RNF217: variants seen among roughly 807,000 people sequenced by gnomAD.
RNF217 encodes E3 ubiquitin-protein ligase RNF217.
RNF217 carries 31 observed loss-of-function variants against 57.8 expected under a neutral mutation model. The ratio of observed to expected loss-of-function variants is 0.54; its 90% CI spans 0.40 to 0.72. The LOEUF is 0.72. Ranked by LOEUF, RNF217 falls within the 30% of genes least tolerant of loss-of-function variation. RNF217 has a pLI of 0.00. For synonymous variants in RNF217, 313 were observed against 294.0 expected (o/e 1.06, Z -0.66); for missense variants, 696 against 708.3 (o/e 0.98, Z 0.20).
intron 1 of RNF217, among the ~76,000 whole-genome samples, chr6:125,034,207 C>G (rs1041838867): frequency 3.3e-5 from 5 of 152,028 alleles, no homozygotes; most frequent in African/African-American, 1.2e-4. Context: ...TAATTGGAGC[C>G]CATTTGTCAA....
chr6:125,009,363 C>T, intron 1 of RNF217: 1 of 900,926 alleles, frequency 1.1e-6, no homozygotes, highest in East Asian at 2.4e-5. Flanking sequence ...TCCTGTGAAG[C>T]CCTCTCACAG....
intron 1 of RNF217, among the ~76,000 whole-genome samples, chr6:125,014,603 C>A (rs1470252015): frequency 1.3e-5 from 2 of 152,092 alleles, no homozygotes; most frequent in African/African-American, 4.8e-5. Context: ...ATAACTGAAT[C>A]TTTTAGCCAA....
In RNF217 at chr6:125,050,022, C is replaced by T. The variant is rs537319460; in HGVS notation, c.1116+4578C>T. 4.0e-5 allele frequency among the ~76,000 whole-genome samples: 6 copies of T among 151,366 alleles called. 1 individual carries two copies. The highest frequency in any genetic ancestry group is 1.5e-4 in the African/African-American group (6 of 41,282). ...GTGAAGGGGATTGTCATTGAACTTA[C>T]GAAAATGAAAAAAATATTCTTTGGG... On this transcript the variant is annotated intron_variant, in intron 2 of 5. Transcript: ENST00000521654.
intron 1 of RNF217, among the ~76,000 whole-genome samples, chr6:125,042,305 A>G (rs559793410): frequency 4.7e-4 from 72 of 152,202 alleles, no homozygotes; most frequent in Non-Finnish European, 1.0e-4. Context: ...GGGCCATGAA[A>G]CTGGAATGCT....
At chr6:125,024,708 A>C (rs1785999917) in intron 1 of RNF217, among the ~76,000 whole-genome samples, 2 of 147,356 alleles carry the variant, frequency 1.4e-5, no homozygotes, top group Admixed American at 1.4e-4. Context: ...TGACAGGGTA[A>C]GACTCTGTCT....
At chr6:125,061,594 C>T (rs181772984) in intron 3 of RNF217, among the ~76,000 whole-genome samples, 13 of 151,142 alleles carry the variant, frequency 8.6e-5, no homozygotes, top group African/African-American at 2.9e-4. Context: ...TCCCTGTTTT[C>T]TATTTCTTCC....
chr6:125,003,515 A>T, intron 1 of RNF217, among the ~76,000 whole-genome samples: 1 of 152,214 alleles, frequency 6.6e-6, no homozygotes, highest in East Asian at 1.9e-4. Flanking sequence ...AGATGATTGT[A>T]GGAATAAACT....
intron 3 of RNF217, among the ~76,000 whole-genome samples, chr6:125,073,830 A>G (rs2114634587): frequency 6.6e-6 from 1 of 152,282 alleles, no homozygotes. Flanking sequence ...TAGATGGGAA[A>G]CAACTTTATA....
chr6:124,981,889 G>A (rs6912698), intron 1 of RNF217, among the ~76,000 whole-genome samples: 36,277 of 151,172 alleles, frequency 0.24, 4,751 homozygotes, highest in East Asian at 0.4. Context: ...TTGGCCGGGC[G>A]TGGTTATGGG....
At chr6:125,001,712 C>T (rs1784993282) in intron 1 of RNF217, among the ~76,000 whole-genome samples, 1 of 152,152 alleles carries the variant, frequency 6.6e-6, no homozygotes, top group Non-Finnish European at 1.5e-5. Context: ...GGATTTCTCC[C>T]TTGTGTGATA....
intron 1 of RNF217, among the ~76,000 whole-genome samples, chr6:125,033,703 T>C (rs1582733250): frequency 6.6e-6 from 1 of 152,112 alleles, no homozygotes; most frequent in Non-Finnish European, 1.5e-5. Context: ...CCTTTGGGTA[T>C]ATACCCAGTA....
intron 1 of RNF217, among the ~76,000 whole-genome samples, chr6:125,030,326 C>T (rs1170354317): frequency 6.6e-6 from 1 of 152,130 alleles, no homozygotes; most frequent in Non-Finnish European, 1.5e-5. Context: ...ACAGTCATGC[C>T]TTCCCAACAG....
At position 124,973,985 on chromosome 6, in the gene RNF217, T is replaced by G. The variant is rs151102170; in HGVS notation, c.882+10559T>G. On this transcript the variant is annotated intron_variant, in intron 1 of 5. Transcript: ENST00000521654. ...GCCGGCCGTTGTCAGTGAGCTCAGC[T>G]ATGGCTGTCTACCGAGTGCCCCCAC... Among the ~76,000 whole-genome samples the G allele has an allele frequency of 2.8e-4, 43 of 152,338 alleles. No individual in the cohort carries two copies. In the East Asian group the frequency reaches 7.5e-3, roughly 27 times the overall value.
At chr6:124,980,736 T>A (rs1347556041) in intron 1 of RNF217, among the ~76,000 whole-genome samples, 3 of 152,318 alleles carry the variant, frequency 2.0e-5, no homozygotes, top group Middle Eastern at 3.4e-3. Flanking sequence ...AAAGATTTTT[T>A]GTTGATTTTA....
intron 1 of RNF217, among the ~76,000 whole-genome samples, chr6:125,035,478 A>G (rs1277219838): frequency 6.6e-6 from 1 of 152,282 alleles, no homozygotes. Flanking sequence ...GGAGAAATAA[A>G]ATACTTTACA....
chr6:124,965,398 A>G (rs1783498958), intron 1 of RNF217, among the ~76,000 whole-genome samples: 1 of 151,922 alleles, frequency 6.6e-6, no homozygotes, highest in Non-Finnish European at 1.5e-5. Flanking sequence ...ACATGGTGAA[A>G]CCCCGTCTCT....
intron 4 of RNF217, among the ~76,000 whole-genome samples, chr6:125,079,442 A>AG (rs1788496515): frequency 2.0e-5 from 3 of 152,006 alleles, no homozygotes; most frequent in African/African-American, 7.2e-5. Flanking sequence ...CTCAATTAAA[A>AG]AAAAAAAAAA....
chr6:125,076,916 AC>A, intron 4 of RNF217, 58 bp downstream of exon 4: 2 of 1,458,094 alleles, frequency 1.4e-6, no homozygotes, highest in Non-Finnish European at 1.9e-6. Context: ...TGAAAATAGA[AC>A]TTGGAAATGT....
intron 1 of RNF217, among the ~76,000 whole-genome samples, chr6:125,033,978 C>T (rs1159348355): frequency 6.6e-6 from 1 of 151,826 alleles, no homozygotes; most frequent in East Asian, 1.9e-4. Flanking sequence ...TGTCTTTTGG[C>T]TGCATAAATG....
Sources: gnomAD v4.1 joint callset for allele counts (sites outside exome capture counted in the v4.1 genomes callset) on GRCh38, gnomAD v4.1.1 for gene constraint, MANE v1.5 for transcripts, NCBI Gene and HGNC (gene_info 2026-07-23, HGNC 2026-07-21) for gene names.